The following RBFOX1 variants were observed in gnomAD, a reference collection of about 807,000 sequenced individuals.
The protein encoded by RBFOX1 is RNA binding protein fox-1 homolog 1.
In RBFOX1, 8 loss-of-function variants were observed where a neutral mutation model predicts 57.7. The observed-to-expected ratio is 0.14, with a 90% CI of 0.08 to 0.25. The LOEUF is 0.25. Ranked by LOEUF, RBFOX1 falls within the 10% of genes least tolerant of loss-of-function variation. RBFOX1 has a pLI of 1.00. For synonymous variants in RBFOX1, 326 were observed against 222.4 expected (o/e 1.47, Z -4.15); for missense variants, 611 against 548.5 (o/e 1.11, Z -1.14).
chr16:6,742,438 A>G (rs543932947), intron 3 of RBFOX1, among the ~76,000 whole-genome samples: 11 of 152,318 alleles, frequency 7.2e-5, no homozygotes, highest in African/African-American at 2.6e-4. Context: ...CTTAAAATAA[A>G]TAGACATTTA....
At chr16:6,227,706 C>T (rs1021277297) in intron 1 of RBFOX1, among the ~76,000 whole-genome samples, 8 of 152,148 alleles carry the variant, frequency 5.3e-5, no homozygotes, top group Non-Finnish European at 1.2e-4. Context: ...ATAATGAGTT[C>T]CTCAAGAATA....
intron 7 of RBFOX1, among the ~76,000 whole-genome samples, chr16:7,591,532 A>C (rs573851331): frequency 6.6e-6 from 1 of 152,328 alleles, no homozygotes; most frequent in East Asian, 1.9e-4. Context: ...ATTTTAAAGT[A>C]AGCAAGTCAC....
chr16:7,649,955 GAGAGGAAGA>G (rs1394085918), intron 11 of RBFOX1, among the ~76,000 whole-genome samples: 5 of 151,810 alleles, frequency 3.3e-5, no homozygotes, highest in Non-Finnish European at 7.4e-5. Context: ...GAAGGGAGAG[GAGAGGAAGA>G]AGAGGGAGAG....
At chr16:5,263,941 T>C (rs1396413951) in intron 1 of RBFOX1, among the ~76,000 whole-genome samples, 4 of 152,210 alleles carry the variant, frequency 2.6e-5, no homozygotes, top group African/African-American at 9.6e-5. Flanking sequence ...ATGTTGTGAT[T>C]CTTTCCAGTA....
chr16:6,221,947 A>T (rs1483186284), intron 1 of RBFOX1, among the ~76,000 whole-genome samples: 2 of 152,144 alleles, frequency 1.3e-5, no homozygotes, highest in African/African-American at 4.8e-5. Context: ...ATATATGAGA[A>T]TTGATTTATT....
chr16:7,522,706 G>A (rs2077773830), intron 5 of RBFOX1, among the ~76,000 whole-genome samples: 1 of 152,174 alleles, frequency 6.6e-6, no homozygotes, highest in South Asian at 2.1e-4. Flanking sequence ...CAAAAGACAG[G>A]AAGCAAGAGA....
rs1225096540 is a variant in RBFOX1 at position 5,854,798 on chromosome 16, C to A, written c.319-12505C>A. Among the ~76,000 whole-genome samples, 4 of 152,092 alleles carry A rather than the reference C, an allele frequency of 2.6e-5. No individual in the cohort carries two copies. In the East Asian group the frequency reaches 7.7e-4, roughly 29 times the overall value. On this transcript the variant is annotated intron_variant, in intron 3 of 19. Coordinates refer to the RBFOX1 transcript ENST00000641259. ...TAGTTCTAGTTTTTTTTTGGAACCT[C>A]CATACTGCTTTCCATAATGGCTCTA... is the stretch of plus-strand genomic sequence containing the variant.
intron 2 of RBFOX1, among the ~76,000 whole-genome samples, chr16:6,545,930 A>G (rs1406429401): frequency 6.6e-6 from 1 of 152,212 alleles, no homozygotes; most frequent in Admixed American, 6.5e-5. Context: ...CGTGCTAGAT[A>G]GTCTCTGTGT....
intron 1 of RBFOX1, among the ~76,000 whole-genome samples, chr16:6,239,572 T>G (rs1598700274): frequency 7.3e-6 from 1 of 136,748 alleles, no homozygotes; most frequent in Non-Finnish European, 1.5e-5. Context: ...AACCTCGGCT[T>G]ACTGCATCCT....
At chr16:6,642,050 T>G (rs968850302) in intron 2 of RBFOX1, among the ~76,000 whole-genome samples, 27 of 152,156 alleles carry the variant, frequency 1.8e-4, no homozygotes, top group African/African-American at 6.5e-4. Context: ...TGAAACAGTT[T>G]GCATGCTGTC....
At chr16:5,715,579 C>A (rs893337761) in intron 3 of RBFOX1, among the ~76,000 whole-genome samples, 4 of 152,216 alleles carry the variant, frequency 2.6e-5, no homozygotes, top group Admixed American at 2.6e-4. Flanking sequence ...GGTATTGGGA[C>A]ATAGAATGAT....
chr16:5,960,488 C>T (rs1187662074), intron 4 of RBFOX1, among the ~76,000 whole-genome samples: 1 of 152,124 alleles, frequency 6.6e-6, no homozygotes, highest in Non-Finnish European at 1.5e-5. Flanking sequence ...ATGACAATGT[C>T]ATCTTCAAAC....
At chr16:7,499,846 A>C (rs778420319) in intron 4 of RBFOX1, among the ~76,000 whole-genome samples, 2 of 152,078 alleles carry the variant, frequency 1.3e-5, no homozygotes, top group Non-Finnish European at 2.9e-5. Context: ...CCTAAGTTGC[A>C]CACAATTATT....
intron 1 of RBFOX1, among the ~76,000 whole-genome samples, chr16:6,075,535 G>A (rs1268957185): frequency 6.6e-6 from 1 of 152,180 alleles, no homozygotes; most frequent in African/African-American, 2.4e-5. Context: ...TGTTGTTTCT[G>A]AGATGTGAAA....
chr16:7,513,379 C>A (rs2075645613), intron 4 of RBFOX1, among the ~76,000 whole-genome samples: 1 of 152,242 alleles, frequency 6.6e-6, no homozygotes, highest in Admixed American at 6.5e-5. Flanking sequence ...GCTTCCCTAA[C>A]AACTACCTGT....
chr16:6,530,212 C>T (rs770667005), intron 2 of RBFOX1, among the ~76,000 whole-genome samples: 16 of 151,968 alleles, frequency 1.1e-4, no homozygotes, highest in African/African-American at 3.6e-4. Flanking sequence ...TTCTTCCGGC[C>T]CTCTAGATCT....
At chr16:5,805,898 G>A (rs1226043468) in intron 3 of RBFOX1, among the ~76,000 whole-genome samples, 1 of 152,188 alleles carries the variant, frequency 6.6e-6, no homozygotes, top group East Asian at 1.9e-4. Flanking sequence ...GCACAGAATA[G>A]AGTGGATAAG....
At chr16:7,448,681 C>T (rs1426159080) in intron 4 of RBFOX1, among the ~76,000 whole-genome samples, 2 of 152,134 alleles carry the variant, frequency 1.3e-5, no homozygotes, top group Non-Finnish European at 2.9e-5. Flanking sequence ...TCTCCTGGCT[C>T]CTGGTGGCTC....
At chr16:7,401,654 A>G (rs1416390401) in intron 4 of RBFOX1, among the ~76,000 whole-genome samples, 1 of 152,224 alleles carries the variant, frequency 6.6e-6, no homozygotes, top group South Asian at 2.1e-4. Context: ...ACTTTTCATT[A>G]TCTATCAAGT....
Sources: allele counts gnomAD v4.1 joint callset (sites outside exome capture counted in the v4.1 genomes callset), GRCh38; gene constraint gnomAD v4.1.1; transcripts MANE v1.5; gene names NCBI Gene and HGNC (gene_info 2026-07-23, HGNC 2026-07-21).